Variants in SLC25A16 observed in about 807,000 individuals in gnomAD.
SLC25A16 encodes solute carrier family 25 member 16.
A neutral mutation model predicts 41.5 loss-of-function variants in SLC25A16; 39 were observed. The observed-to-expected ratio is 0.94, with a 90% confidence interval of 0.73 to 1.23. The LOEUF (loss-of-function observed/expected upper bound fraction) is 1.23, where lower values mean the gene tolerates loss of function less well. SLC25A16 is among the 50% of genes most tolerant of loss of function. SLC25A16 has a pLI of 0.00. For synonymous variants in SLC25A16, 146 were observed against 147.8 expected, an observed-to-expected ratio of 0.99 and a Z score of 0.09; for missense variants, 421 against 426.9, an observed-to-expected ratio of 0.99 and a Z score of 0.12.
chr10:68,480,477 C>A lies in SLC25A16; in HGVS notation c.*2955G>T, dbSNP rs12767669. ...TTTGCAATCCCCTTTTACTGATAACCTAACTGAGGTATCTTTTTTTTTTTT... is the reference window on the plus strand; with the variant it reads ...TTTGCAATCCCCTTTTACTGATAACATAACTGAGGTATCTTTTTTTTTTTT... On this transcript the variant is annotated 3_prime_UTR_variant, in exon 9 of 9. Coordinates refer to ENST00000609923, the MANE Select transcript of SLC25A16 (RefSeq NM_152707.4). 0.21 allele frequency: 30,996 copies of A among 144,816 alleles called. 4,160 individuals are homozygous for A. Among genetic ancestry groups the A allele is most frequent in the African/African-American group, 0.36 (14,117 of 39,130 alleles). The allele number at this position is 144,816 out of a possible 1,614,324, so 9.0% of individuals were successfully genotyped here. A position where few individuals can be genotyped will look rare whatever the true frequency, so the allele number is the denominator to read the frequency against.
At chr10:68,517,212 C>G (rs2053174865) in intron 1 of SLC25A16, 4 of 995,650 alleles carry the variant, frequency 4.0e-6, no homozygotes, top group Middle Eastern at 5.0e-4. Context: ...GAGACAGACA[C>G]TTGAAGGTAT....
chr10:68,494,363 G>A (rs938671648), intron 4 of SLC25A16, among the ~76,000 whole-genome samples: 5 of 141,422 alleles, frequency 3.5e-5, no homozygotes, highest in African/African-American at 1.2e-4. Context: ...TCGAGAGGCT[G>A]ATGCAGGAGA....
chr10:68,502,297 A>T (rs2052861381), intron 4 of SLC25A16, among the ~76,000 whole-genome samples: 1 of 152,144 alleles, frequency 6.6e-6, no homozygotes, highest in Admixed American at 6.6e-5. Context: ...CAAAATTTAG[A>T]AGTACCAGAG....
chr10:68,520,053 C>T (rs1368512237), intron 1 of SLC25A16, among the ~76,000 whole-genome samples: 9 of 148,994 alleles, frequency 6.0e-5, no homozygotes, highest in Admixed American at 2.7e-4. Flanking sequence ...CAGGTTCAAG[C>T]GATTCTCCTG....
At position 68,482,934 on chromosome 10, in the gene SLC25A16, A is replaced by G. The variant is rs1192874771; in HGVS notation, c.*498T>C. ...GAAAGAAGTGTTTTTCCTATTATCC[A>G]GTGGAGCATAATTGTGAGAAGAGAG... On this transcript the variant is annotated 3_prime_UTR_variant, in exon 9 of 9. Coordinates refer to ENST00000609923, the MANE Select transcript of SLC25A16 (RefSeq NM_152707.4). The G allele has an allele frequency of 1.3e-5, 2 of 152,188 alleles. No homozygotes were observed. The highest frequency in any genetic ancestry group is 4.8e-5 in the African/African-American group (2 of 41,452). The allele number at this position is 152,188 out of a possible 1,614,324, so 9.4% of individuals were successfully genotyped here. A position where few individuals can be genotyped will look rare whatever the true frequency, so the allele number is the denominator to read the frequency against.
chr10:68,486,612 G>T (rs866004336), intron 8 of SLC25A16, among the ~76,000 whole-genome samples: 12 of 151,814 alleles, frequency 7.9e-5, no homozygotes, highest in Middle Eastern at 6.8e-3. Context: ...GACCTCAGGT[G>T]ATACGCCCTC....
chr10:68,497,621 A>ATTTTTT (rs565594457), intron 4 of SLC25A16, among the ~76,000 whole-genome samples: 6 of 140,064 alleles, frequency 4.3e-5, no homozygotes, highest in African/African-American at 1.3e-4. Flanking sequence ...TTTTTTTTTA[A>ATTTTTT]TTTTTTTTTT....
At position 68,496,842 on chromosome 10, in the gene SLC25A16, G is replaced by A. The variant is rs183917491; in HGVS notation, c.422-3272C>T. On this transcript the variant is annotated intron_variant, in intron 4 of 8. Transcript: ENST00000609923. ...CCTCTTTTTGTTGAGATGGGGTCTC[G>A]CTCTGTCACCCAGGCTGGAATGCAG... is the stretch of plus-strand genomic sequence containing the variant. The A allele has an allele frequency of 2.9e-3, 763 of 260,542 alleles. 6 individuals are homozygous for A. Among genetic ancestry groups the A allele is most frequent in the African/African-American group, 0.016 (711 of 43,420 alleles). 16.1% of individuals were successfully genotyped at this position (260,542 alleles called of 1,614,324 possible). A position where few individuals can be genotyped will look rare whatever the true frequency, so the allele number is the denominator to read the frequency against.
chr10:68,496,073 TTG>T (rs1437503620), intron 4 of SLC25A16, among the ~76,000 whole-genome samples: 1 of 152,140 alleles, frequency 6.6e-6, no homozygotes, highest in Non-Finnish European at 1.5e-5. Context: ...ACTATGTACT[TTG>T]TTACCCTTTC....
chr10:68,493,045 C>A (rs2052686721), intron 6 of SLC25A16, 87 bp downstream of exon 6: 4 of 766,854 alleles, frequency 5.2e-6, no homozygotes, highest in Admixed American at 2.6e-5. Flanking sequence ...CAGATAACAT[C>A]TTTTTATATT....
intron 4 of SLC25A16, among the ~76,000 whole-genome samples, chr10:68,495,754 TCTGGG>T (rs953545158): frequency 8.3e-6 from 1 of 120,590 alleles, no homozygotes; most frequent in Non-Finnish European, 1.6e-5. Context: ...TGCACTCCAG[TCTGGG>T]CAACAGAGTT....
At chr10:68,511,990 G>C (rs2053071642) in intron 2 of SLC25A16, among the ~76,000 whole-genome samples, 1 of 152,096 alleles carries the variant, frequency 6.6e-6, no homozygotes. Context: ...CTTAGTAGCT[G>C]GGATTACAGG....
chr10:68,500,933 A>T (rs1316080110), intron 4 of SLC25A16, among the ~76,000 whole-genome samples: 1 of 151,498 alleles, frequency 6.6e-6, no homozygotes, highest in African/African-American at 2.4e-5. Context: ...TCCGTCTCAA[A>T]AAAAGAAGAA....
At position 68,479,571 on chromosome 10, in the gene SLC25A16, C is replaced by CG. The variant is rs75719647; in HGVS notation, c.*3860dup. 0.14 allele frequency: 20,521 copies of CG among 151,030 alleles called. 1,697 individuals carry two copies. The highest frequency in any genetic ancestry group is 0.25 in the South Asian group (1,185 of 4,800). The allele number at this position is 151,030 out of a possible 1,614,324, so 9.4% of individuals were successfully genotyped here. A position where few individuals can be genotyped will look rare whatever the true frequency, so the allele number is the denominator to read the frequency against. On this transcript the variant is annotated 3_prime_UTR_variant, in exon 9 of 9. Coordinates refer to ENST00000609923, the MANE Select transcript of SLC25A16 (RefSeq NM_152707.4). The stretch of plus-strand genomic sequence containing the variant: ...CAGTAGTCCCAGCATTTTGGGAAGT[C>CG]GGGGGGGCAGATCACTTGAGGTCAG...
intron 2 of SLC25A16, among the ~76,000 whole-genome samples, chr10:68,514,570 T>C (rs937254412): frequency 1.4e-4 from 21 of 152,212 alleles, no homozygotes; most frequent in African/African-American, 4.6e-4. Flanking sequence ...TTCCTTAGAA[T>C]AATCTCCTAG....
chr10:68,504,017 CTTTTTTTT>C (rs148285905), intron 3 of SLC25A16, among the ~76,000 whole-genome samples: 4 of 70,886 alleles, frequency 5.6e-5, no homozygotes, highest in South Asian at 4.9e-4. Flanking sequence ...TAAACTGCTA[CTTTTTTTT>C]TTTTTTTTTT....
chr10:68,516,341 A>G (rs1393794242), intron 2 of SLC25A16, among the ~76,000 whole-genome samples: 1 of 152,094 alleles, frequency 6.6e-6, no homozygotes, highest in African/African-American at 2.4e-5. Context: ...TTTTTAAAAG[A>G]GGCAAAGGCA....
chr10:68,503,409 A>G, intron 4 of SLC25A16: 2 of 403,598 alleles, frequency 5.0e-6, no homozygotes, highest in Non-Finnish European at 8.8e-6. Flanking sequence ...TTTCATATAT[A>G]TAACTGAATA....
chr10:68,522,003 T>C (rs1302247780), intron 1 of SLC25A16, among the ~76,000 whole-genome samples: 1 of 151,584 alleles, frequency 6.6e-6, no homozygotes, highest in African/African-American at 2.4e-5. Context: ...CTACTAAAAA[T>C]ACAAAAATGA....
Sources: gnomAD v4.1 joint callset for allele counts (sites outside exome capture counted in the v4.1 genomes callset) on GRCh38, gnomAD v4.1.1 for gene constraint, MANE v1.5 for transcripts, NCBI Gene and HGNC (gene_info 2026-07-23, HGNC 2026-07-21) for gene names.